The following GAP43 variants were observed in gnomAD, a reference collection of about 807,000 sequenced individuals.
GAP43 encodes neuromodulin.
GAP43 carries 6 observed loss-of-function variants against 18.6 expected under a neutral mutation model. The ratio of observed to expected loss-of-function variants is 0.32; its 90% CI spans 0.18 to 0.64. GAP43 has a LOEUF of 0.64. Ranked by LOEUF, GAP43 falls within the 30% of genes least tolerant of loss-of-function variation. GAP43 has a pLI of 0.78. For missense variants in GAP43, 292 were observed against 295.5 expected, an observed-to-expected ratio of 0.99 and a Z score of 0.09; for synonymous variants, 115 against 111.4, an observed-to-expected ratio of 1.03 and a Z score of -0.20.
intron 1 of GAP43, among the ~76,000 whole-genome samples, chr3:115,627,406 C>G (rs994728917): frequency 6.6e-6 from 1 of 151,364 alleles, no homozygotes; most frequent in Non-Finnish European, 1.5e-5. Context: ...ACAGAAACCT[C>G]CTTTGATGTT....
At chr3:115,713,500 G>A (rs781771450) in intron 2 of GAP43, among the ~76,000 whole-genome samples, 5 of 152,334 alleles carry the variant, frequency 3.3e-5, no homozygotes, top group Middle Eastern at 3.4e-3. Flanking sequence ...TGGGAACATC[G>A]CCATCCCTCC....
chr3:115,630,309 G>A lies in GAP43; in HGVS notation c.30+6590G>A, dbSNP rs16823941. Among the ~76,000 whole-genome samples, 97 of 152,082 alleles carry A rather than the reference G, an allele frequency of 6.4e-4. 1 individual carries two copies. In the East Asian group the frequency reaches 0.015, roughly 23 times the overall value. ...CCTTCATTTGGATTTCTTTTCTTCC[G>A]TCTGAAGTATCCACATAATAATATT... On this transcript the variant is annotated intron_variant, in intron 1 of 2. Coordinates refer to ENST00000305124, the MANE Select transcript of GAP43 (RefSeq NM_002045.4).
intron 1 of GAP43, among the ~76,000 whole-genome samples, chr3:115,667,961 C>G (rs1708754796): frequency 6.6e-6 from 1 of 152,140 alleles, no homozygotes; most frequent in Non-Finnish European, 1.5e-5. Flanking sequence ...ACTTTGCCAG[C>G]CCTTCTGTCC....
At chr3:115,662,586 A>G (rs1023537759) in intron 1 of GAP43, among the ~76,000 whole-genome samples, 1 of 152,218 alleles carries the variant, frequency 6.6e-6, no homozygotes, top group Non-Finnish European at 1.5e-5. Context: ...ATACAGTAAT[A>G]TGGGAAATTC....
At chr3:115,698,619 A>T (rs1390593459) in intron 2 of GAP43, among the ~76,000 whole-genome samples, 1 of 151,746 alleles carries the variant, frequency 6.6e-6, no homozygotes, top group Non-Finnish European at 1.5e-5. Flanking sequence ...AAGTGTGGGT[A>T]GAGGATGGAA....
intron 2 of GAP43, among the ~76,000 whole-genome samples, chr3:115,682,345 A>G (rs577116113): frequency 2.6e-5 from 4 of 152,318 alleles, no homozygotes; most frequent in Admixed American, 6.5e-5. Flanking sequence ...GGAAATTTTC[A>G]TATCTCAATC....
intron 1 of GAP43, among the ~76,000 whole-genome samples, chr3:115,661,526 T>C (rs921071437): frequency 5.3e-5 from 8 of 152,196 alleles, no homozygotes; most frequent in Non-Finnish European, 1.0e-4. Context: ...TCTCGCTCTG[T>C]CGCCCAGGCT....
At chr3:115,659,383 G>T (rs1331735474) in intron 1 of GAP43, among the ~76,000 whole-genome samples, 3 of 152,050 alleles carry the variant, frequency 2.0e-5, no homozygotes, top group Non-Finnish European at 2.9e-5. Context: ...TTCTTTTTCG[G>T]GGGGGAGGGT....
At chr3:115,654,375 C>T (rs1708556009) in intron 1 of GAP43, among the ~76,000 whole-genome samples, 1 of 152,178 alleles carries the variant, frequency 6.6e-6, no homozygotes, top group Non-Finnish European at 1.5e-5. Flanking sequence ...TTAGAAAATA[C>T]AAATGGTCCT....
intron 2 of GAP43, among the ~76,000 whole-genome samples, chr3:115,699,336 C>CATATTG (rs2107366672): frequency 6.6e-6 from 1 of 152,142 alleles, no homozygotes; most frequent in South Asian, 2.1e-4. Flanking sequence ...GCTCTAACAC[C>CATATTG]CTCTGTGCCA....
intron 1 of GAP43, among the ~76,000 whole-genome samples, chr3:115,653,425 G>A (rs1708545382): frequency 6.6e-6 from 1 of 152,156 alleles, no homozygotes; most frequent in South Asian, 2.1e-4. Flanking sequence ...CTGGGCGACA[G>A]AGTGAGACTC....
At chr3:115,673,187 A>AT (rs1708836601) in intron 1 of GAP43, among the ~76,000 whole-genome samples, 1 of 152,152 alleles carries the variant, frequency 6.6e-6, no homozygotes, top group South Asian at 2.1e-4. Flanking sequence ...TTAAATTCTG[A>AT]TTTTTTAGAA....
intron 2 of GAP43, among the ~76,000 whole-genome samples, chr3:115,714,318 G>C (rs1280832742): frequency 6.6e-6 from 1 of 152,144 alleles, no homozygotes; most frequent in Non-Finnish European, 1.5e-5. Flanking sequence ...AATTCATGGA[G>C]GCTGCCAGTG....
intron 2 of GAP43, among the ~76,000 whole-genome samples, chr3:115,706,201 AT>A (rs1709361081): frequency 6.6e-6 from 1 of 152,158 alleles, no homozygotes; most frequent in East Asian, 1.9e-4. Context: ...GAAAAATCTC[AT>A]TGCATCTTAC....
In GAP43 at chr3:115,643,029, T is replaced by C. The variant is rs199679252; in HGVS notation, c.30+19310T>C. Among the ~76,000 whole-genome samples the C allele has an allele frequency of 7.2e-5, 11 of 152,094 alleles. No homozygotes were observed. In the East Asian group the frequency reaches 1.2e-3, roughly 16 times the overall value. ...TGCTCTCAACACTCTTTAATGCTAA[T>C]ATACATTGTTTCTTGCAGTCTTGGA... On this transcript the variant is annotated intron_variant, in intron 1 of 2. Coordinates refer to ENST00000305124, the MANE Select transcript of GAP43 (RefSeq NM_002045.4).
chr3:115,638,057 C>T (rs1475019514), intron 1 of GAP43, among the ~76,000 whole-genome samples: 1 of 152,078 alleles, frequency 6.6e-6, no homozygotes, highest in Non-Finnish European at 1.5e-5. Context: ...CACTCCATCT[C>T]CAGTCAGCTC....
intron 2 of GAP43, among the ~76,000 whole-genome samples, chr3:115,704,967 C>G (rs1423178441): frequency 6.6e-6 from 1 of 152,062 alleles, no homozygotes; most frequent in Non-Finnish European, 1.5e-5. Context: ...TATTTTTGTC[C>G]TGATTTATGT....
chr3:115,720,274 G>A (rs1709559575), intron 2 of GAP43, among the ~76,000 whole-genome samples: 1 of 152,132 alleles, frequency 6.6e-6, no homozygotes, highest in African/African-American at 2.4e-5. Flanking sequence ...ACCCAACTCT[G>A]CCCTCTCTAG....
intron 1 of GAP43, among the ~76,000 whole-genome samples, chr3:115,634,441 A>G (rs1708304001): frequency 6.6e-6 from 1 of 152,052 alleles, no homozygotes; most frequent in Admixed American, 6.6e-5. Context: ...CACAAATTTT[A>G]ATAGAGGCAA....
Sources: gnomAD v4.1 joint callset for allele counts (sites outside exome capture counted in the v4.1 genomes callset) on GRCh38, gnomAD v4.1.1 for gene constraint, MANE v1.5 for transcripts, NCBI Gene and HGNC (gene_info 2026-07-23, HGNC 2026-07-21) for gene names.